ZFAND3: variants seen among roughly 807,000 people sequenced by gnomAD.
ZFAND3 encodes the protein zinc finger AN1-type containing 3.
Under a neutral mutation model 29.6 loss-of-function variants are expected in ZFAND3, and 10 were observed. The ratio of observed to expected loss-of-function variants is 0.34; its 90% confidence interval spans 0.21 to 0.57. The LOEUF is 0.57. Ranked by LOEUF, ZFAND3 falls within the 20% of genes least tolerant of loss-of-function variation. ZFAND3 has a pLI of 0.86. For synonymous variants in ZFAND3, 128 were observed against 112.6 expected, an observed-to-expected ratio of 1.14 and a Z score of -0.87; for missense variants, 230 against 304.5, an observed-to-expected ratio of 0.76 and a Z score of 1.82.
intron 4 of ZFAND3, among the ~76,000 whole-genome samples, chr6:38,083,424 G>T (rs138061506): frequency 6.6e-6 from 1 of 152,172 alleles, no homozygotes; most frequent in African/African-American, 2.4e-5. Context: ...TATCCCTCTT[G>T]TGCCCGGTTC....
At chr6:37,877,544 AGAG>A (rs71803493) in intron 1 of ZFAND3, among the ~76,000 whole-genome samples, 58,378 of 151,764 alleles carry the variant, frequency 0.38, 11,960 homozygotes, top group Non-Finnish European at 0.47. Flanking sequence ...AGGTGAAAGA[AGAG>A]GAGTCAGAGA....
chr6:37,820,731 C>T (rs998805911), intron 1 of ZFAND3, among the ~76,000 whole-genome samples: 1 of 152,200 alleles, frequency 6.6e-6, no homozygotes, highest in African/African-American at 2.4e-5. Context: ...CCTCAGTTGG[C>T]TCTCAAATTC....
intron 5 of ZFAND3, among the ~76,000 whole-genome samples, chr6:38,144,767 C>G (rs1189983061): frequency 6.6e-6 from 1 of 152,228 alleles, no homozygotes; most frequent in African/African-American, 2.4e-5. Flanking sequence ...AAAACAGCCA[C>G]TTGAGGGAGC....
intron 5 of ZFAND3, among the ~76,000 whole-genome samples, chr6:38,139,209 C>G (rs1765900986): frequency 6.6e-6 from 1 of 152,134 alleles, no homozygotes; most frequent in Non-Finnish European, 1.5e-5. Context: ...TTGGCCTTTG[C>G]TTGCTCCCTA....
intron 1 of ZFAND3, among the ~76,000 whole-genome samples, chr6:37,865,204 G>A (rs552443312): frequency 3.9e-5 from 6 of 152,064 alleles, no homozygotes. Context: ...AAAAACTTTA[G>A]TATTTCCATA....
chr6:37,851,389 T>C (rs925258002), intron 1 of ZFAND3, among the ~76,000 whole-genome samples: 4 of 152,128 alleles, frequency 2.6e-5, no homozygotes, highest in African/African-American at 9.7e-5. Flanking sequence ...GTTCATTTCA[T>C]TTACCCACCA....
chr6:37,928,277 A>G (rs1761526980), intron 1 of ZFAND3, among the ~76,000 whole-genome samples: 1 of 152,206 alleles, frequency 6.6e-6, no homozygotes, highest in Admixed American at 6.5e-5. Context: ...CTTTAATTGT[A>G]AAACATAGTA....
intron 2 of ZFAND3, among the ~76,000 whole-genome samples, chr6:37,986,806 TAAG>T (rs1267127573): frequency 3.3e-5 from 5 of 152,044 alleles, no homozygotes; most frequent in Admixed American, 6.6e-5. Context: ...TTCCCCTCAT[TAAG>T]AAGCCTAAGT....
chr6:37,953,684 T>C (rs1347869590), intron 2 of ZFAND3, among the ~76,000 whole-genome samples: 1 of 152,116 alleles, frequency 6.6e-6, no homozygotes, highest in Non-Finnish European at 1.5e-5. Flanking sequence ...ACTGCTGGGC[T>C]CAACTTGTCC....
chr6:38,083,027 C>T (rs1238893925), intron 4 of ZFAND3, among the ~76,000 whole-genome samples: 4 of 152,132 alleles, frequency 2.6e-5, no homozygotes, highest in Admixed American at 1.3e-4. Flanking sequence ...TTGTTGCCTT[C>T]GCCTGTAGCT....
At chr6:38,147,564 G>A (rs1165026082) in intron 5 of ZFAND3, among the ~76,000 whole-genome samples, 1 of 152,176 alleles carries the variant, frequency 6.6e-6, no homozygotes, top group African/African-American at 2.4e-5. Context: ...TTTCCATAGC[G>A]GTTTCTATAG....
chr6:37,927,368 C>A (rs937724829), intron 1 of ZFAND3, among the ~76,000 whole-genome samples: 1 of 152,068 alleles, frequency 6.6e-6, no homozygotes, highest in African/African-American at 2.4e-5. Context: ...TGTGGCATTG[C>A]GTGGACAAGA....
At position 37,895,037 on chromosome 6, in the gene ZFAND3, G is replaced by A. The variant is rs71569395; in HGVS notation, c.72-34922G>A. 6.6e-5 allele frequency among the ~76,000 whole-genome samples: 10 copies of A among 152,004 alleles called. No individual in the cohort carries two copies. The East Asian group carries it at 1.9e-3, about 29-fold the overall frequency. ...TTTGTAGAGATTTTTGGATCAAAGGGCTTATTATGTTTCCAATCAGTTTTT... is the reference window on the plus strand; with the variant it reads ...TTTGTAGAGATTTTTGGATCAAAGGACTTATTATGTTTCCAATCAGTTTTT... On this transcript the variant is annotated intron_variant, in intron 1 of 5. Transcript: ENST00000287218.
intron 2 of ZFAND3, among the ~76,000 whole-genome samples, chr6:37,998,114 A>C (rs1762882837): frequency 1.3e-5 from 2 of 152,246 alleles, no homozygotes; most frequent in Non-Finnish European, 2.9e-5. Context: ...GTAGAATATT[A>C]TTCAACTGTA....
At chr6:37,910,188 T>C (rs964515262) in intron 1 of ZFAND3, among the ~76,000 whole-genome samples, 3 of 152,214 alleles carry the variant, frequency 2.0e-5, no homozygotes, top group African/African-American at 7.2e-5. Flanking sequence ...TCTCTTTTCT[T>C]ACTAGCATAT....
At chr6:38,137,630 A>C (rs1370398881) in intron 5 of ZFAND3, among the ~76,000 whole-genome samples, 3 of 152,180 alleles carry the variant, frequency 2.0e-5, no homozygotes, top group African/African-American at 7.2e-5. Context: ...GTAATTTCTG[A>C]TGGGAGCAGG....
At chr6:38,025,382 T>C (rs1561970456) in intron 2 of ZFAND3, among the ~76,000 whole-genome samples, 1 of 152,198 alleles carries the variant, frequency 6.6e-6, no homozygotes. Flanking sequence ...AGGCACAATA[T>C]CCAAGTAATT....
chr6:37,979,782 C>A (rs926582201), intron 2 of ZFAND3, among the ~76,000 whole-genome samples: 2 of 152,132 alleles, frequency 1.3e-5, no homozygotes, highest in Non-Finnish European at 2.9e-5. Context: ...TATAACTCTT[C>A]CTTGTGTGTT....
chr6:38,051,472 C>T (rs1198094507), intron 2 of ZFAND3, among the ~76,000 whole-genome samples: 3 of 152,216 alleles, frequency 2.0e-5, no homozygotes, highest in Non-Finnish European at 2.9e-5. Context: ...CCAGCAGTTA[C>T]GTTCATGCCA....
Sources: allele counts gnomAD v4.1 joint callset (sites outside exome capture counted in the v4.1 genomes callset), GRCh38; gene constraint gnomAD v4.1.1; transcripts MANE v1.5; gene names NCBI Gene and HGNC (gene_info 2026-07-23, HGNC 2026-07-21).